The following BIN3 variants were observed in gnomAD, a reference collection of about 807,000 sequenced individuals.
BIN3 encodes the protein bridging integrator 3.
In BIN3, 41 loss-of-function variants were observed where a neutral mutation model predicts 38.2. That is an observed-to-expected ratio of 1.07 (90% confidence interval 0.84 to 1.39). The LOEUF (loss-of-function observed/expected upper bound fraction) is 1.39, where lower values mean the gene tolerates loss of function less well. Among genes scored for constraint, BIN3 ranks in the 40% most tolerant of loss-of-function variants. The pLI, the probability that BIN3 is intolerant of heterozygous loss-of-function variation, is 0.00. For synonymous variants in BIN3, 145 were observed against 122.6 expected, an observed-to-expected ratio of 1.18 and a Z score of -1.21; for missense variants, 361 against 324.3, an observed-to-expected ratio of 1.11 and a Z score of -0.87.
rs1801809407 is a variant in BIN3 at position 22,621,423 on chromosome 8, C to T, written c.761G>A (p.Ter254=). The change falls in exon 9 of 9, where the codon TGA becomes TAA. Residue 254 remains the stop codon, a stop_retained_variant. Coordinates refer to ENST00000276416, the MANE Select transcript of BIN3 (RefSeq NM_018688.6). ...GAGTCCTCCAAGAGTGACGGGGATT[C>T]AGTCATCGGCCACAATGGAGAGGGC... is the stretch of plus-strand genomic sequence containing the variant. The part of the protein sequence containing the change: ...LRALSIVADD[*] 1 of 1,612,468 alleles carries T rather than the reference C, an allele frequency of 6.2e-7. No homozygotes were observed. Among genetic ancestry groups the T allele is most frequent in the South Asian group, 1.1e-5 (1 of 90,902 alleles).
At chr8:22,644,621 T>C in intron 2 of BIN3, 134 bp downstream of exon 2, 1 of 795,894 alleles carries the variant, frequency 1.3e-6, no homozygotes, top group South Asian at 1.5e-5. Flanking sequence ...AGGTTCTAGA[T>C]CCGCATAAGC....
At chr8:22,661,335 A>G (rs1226568707) in intron 1 of BIN3, among the ~76,000 whole-genome samples, 1 of 147,294 alleles carries the variant, frequency 6.8e-6, no homozygotes, top group East Asian at 2.0e-4. Flanking sequence ...AAATAGTACA[A>G]TGTTGAATGT....
At position 22,630,430 on chromosome 8, in the gene BIN3, A is replaced by G; in HGVS notation, c.297+12T>C. ...AGTCATGCTTGCCCACCCCACACCA[A>G]GACCTAGTCACCTTTTCCTGATTGA... On this transcript the variant is annotated intron_variant, in intron 5 of 8. Transcript: ENST00000276416. 1 of 1,613,758 alleles carries G rather than the reference A, an allele frequency of 6.2e-7. No individual in the cohort carries two copies. Among genetic ancestry groups the G allele is most frequent in the Non-Finnish European group, 8.5e-7 (1 of 1,179,744 alleles).
At chr8:22,656,239 T>TC (rs398007229) in intron 1 of BIN3, among the ~76,000 whole-genome samples, 52 of 150,422 alleles carry the variant, frequency 3.5e-4, no homozygotes, top group African/African-American at 1.0e-3. Flanking sequence ...TTTTTTTTTT[T>TC]CATATCCATC....
intron 6 of BIN3, among the ~76,000 whole-genome samples, chr8:22,627,509 C>A (rs1469597382): frequency 6.6e-6 from 1 of 152,136 alleles, no homozygotes; most frequent in Non-Finnish European, 1.5e-5. Context: ...CGTGCACAGG[C>A]TGGGCGCCTG....
chr8:22,627,950 C>A (rs560400416), intron 6 of BIN3, among the ~76,000 whole-genome samples: 4 of 152,248 alleles, frequency 2.6e-5, no homozygotes, highest in Non-Finnish European at 5.9e-5. Context: ...GGGGGCCGGG[C>A]TGGGCCCAGG....
At chr8:22,659,309 A>T (rs561665585) in intron 1 of BIN3, among the ~76,000 whole-genome samples, 1 of 152,306 alleles carries the variant, frequency 6.6e-6, no homozygotes, top group South Asian at 2.1e-4. Flanking sequence ...AATTAGCTTG[A>T]TCCAAAACCA....
chr8:22,655,458 G>T (rs1803026995), intron 1 of BIN3, among the ~76,000 whole-genome samples: 2 of 152,180 alleles, frequency 1.3e-5, no homozygotes, highest in South Asian at 4.1e-4. Flanking sequence ...TTTAAATATG[G>T]TGTGAGGTAG....
intron 4 of BIN3, among the ~76,000 whole-genome samples, chr8:22,635,823 T>C (rs1386875688): frequency 6.6e-6 from 1 of 152,134 alleles, no homozygotes; most frequent in African/African-American, 2.4e-5. Context: ...AGGAATGGTC[T>C]CCATCTCTCC....
intron 1 of BIN3, among the ~76,000 whole-genome samples, chr8:22,666,132 T>C (rs910506624): frequency 6.6e-6 from 1 of 152,054 alleles, no homozygotes; most frequent in Admixed American, 6.5e-5. Context: ...CAGTACTCCC[T>C]TTTCCTCCTC....
chr8:22,622,898 T>C (rs985027698), intron 8 of BIN3, among the ~76,000 whole-genome samples: 2 of 152,216 alleles, frequency 1.3e-5, no homozygotes, highest in Non-Finnish European at 2.9e-5. Flanking sequence ...ACCAAGTACG[T>C]GGGTCACTGA....
At chr8:22,668,671 G>A (rs958984468) in intron 1 of BIN3, among the ~76,000 whole-genome samples, 6 of 152,230 alleles carry the variant, frequency 3.9e-5, no homozygotes, top group African/African-American at 1.4e-4. Flanking sequence ...GCTCTGGAGG[G>A]ACTGGCGCGG....
chr8:22,630,167 C>A (rs1394788842), intron 5 of BIN3, among the ~76,000 whole-genome samples, 163 bp from the exon 6 acceptor site: 1 of 152,222 alleles, frequency 6.6e-6, no homozygotes, highest in East Asian at 1.9e-4. Flanking sequence ...GGTGGCTGGC[C>A]ACAGAAGCCT....
At chr8:22,641,486 G>A (rs890220936) in intron 2 of BIN3, among the ~76,000 whole-genome samples, 6 of 152,190 alleles carry the variant, frequency 3.9e-5, no homozygotes, top group African/African-American at 1.4e-4. Flanking sequence ...CTGGCAGGCA[G>A]GGCTGGGGCA....
In BIN3 at chr8:22,621,415, C is replaced by T. The variant is rs945537606; in HGVS notation, c.*7G>A. 4.3e-5 allele frequency: 70 copies of T among 1,611,314 alleles called. No homozygotes were observed. Among genetic ancestry groups the T allele is most frequent in the South Asian group, 1.2e-4 (11 of 90,688 alleles). ...CGTCACAGGAGTCCTCCAAGAGTGACGGGGATTCAGTCATCGGCCACAATG... is the reference window on the plus strand; with the variant it reads ...CGTCACAGGAGTCCTCCAAGAGTGATGGGGATTCAGTCATCGGCCACAATG... On this transcript the variant is annotated 3_prime_UTR_variant, in exon 9 of 9. Transcript: ENST00000276416.
chr8:22,624,072 CA>C (rs2117497279), intron 7 of BIN3, 23 bp from the exon 8 acceptor site: 2 of 1,102,128 alleles, frequency 1.8e-6, no homozygotes, highest in Non-Finnish European at 2.5e-6. Context: ...ACCTGGGTGT[CA>C]AAACTCTCTC....
At chr8:22,640,976 G>A (rs575251147) in intron 2 of BIN3, among the ~76,000 whole-genome samples, 2 of 152,144 alleles carry the variant, frequency 1.3e-5, no homozygotes, top group Non-Finnish European at 2.9e-5. Flanking sequence ...CGGCCGGGGT[G>A]GGTTGCTTCT....
chr8:22,643,140 T>C (rs1802614993), intron 2 of BIN3, among the ~76,000 whole-genome samples: 1 of 152,172 alleles, frequency 6.6e-6, no homozygotes, highest in African/African-American at 2.4e-5. Context: ...TTCAGATCTG[T>C]CATGGATTAA....
At chr8:22,645,788 A>C (rs772547112) in intron 1 of BIN3, among the ~76,000 whole-genome samples, 54 of 152,224 alleles carry the variant, frequency 3.5e-4, no homozygotes, top group Admixed American at 1.0e-3. Context: ...TGGATCTGCA[A>C]ATCTTCTTTG....
Sources: allele counts gnomAD v4.1 joint callset (sites outside exome capture counted in the v4.1 genomes callset), GRCh38; gene constraint gnomAD v4.1.1; transcripts MANE v1.5; gene names NCBI Gene and HGNC (gene_info 2026-07-23, HGNC 2026-07-21).